Variants in CEP112 observed in about 807,000 individuals in gnomAD.
CEP112 encodes the protein centrosomal protein 112.
In CEP112, 127 loss-of-function variants were observed where a neutral mutation model predicts 153.0. The ratio of observed to expected loss-of-function variants is 0.83; its 90% CI spans 0.72 to 0.96. CEP112 has a LOEUF of 0.96. CEP112 is among the 40% of genes least tolerant of loss of function. The pLI, the probability that CEP112 is intolerant of heterozygous loss-of-function variation, is 0.00. For synonymous variants in CEP112, 358 were observed against 374.4 expected (o/e 0.96, Z 0.51); for missense variants, 1,089 against 1,101.2 (o/e 0.99, Z 0.16).
chr17:66,082,309 AG>A (rs1379547112), intron 8 of CEP112, among the ~76,000 whole-genome samples: 4 of 152,212 alleles, frequency 2.6e-5, no homozygotes, highest in Non-Finnish European at 5.9e-5. Flanking sequence ...TGGATATCAG[AG>A]AAAATGTGTT....
At chr17:65,749,870 A>AT (rs1179511319) in intron 22 of CEP112, among the ~76,000 whole-genome samples, 12 of 149,436 alleles carry the variant, frequency 8.0e-5, no homozygotes, top group Non-Finnish European at 1.5e-4. Flanking sequence ...ATATATATAT[A>AT]AAAATATGAA....
intron 8 of CEP112, among the ~76,000 whole-genome samples, chr17:66,086,949 A>G (rs1011270916): frequency 2.0e-5 from 3 of 152,336 alleles, no homozygotes; most frequent in African/African-American, 7.2e-5. Flanking sequence ...AAATCAGCAG[A>G]TACTTTTAAA....
intron 4 of CEP112, among the ~76,000 whole-genome samples, chr17:66,167,052 C>G (rs981612000): frequency 6.6e-6 from 1 of 152,132 alleles, no homozygotes; most frequent in Non-Finnish European, 1.5e-5. Context: ...TATAAAGCCT[C>G]TTTTAAAATA....
chr17:66,166,062 C>T (rs150677562), intron 4 of CEP112, among the ~76,000 whole-genome samples: 5,184 of 152,102 alleles, frequency 0.034, 132 homozygotes, highest in Middle Eastern at 0.061. Flanking sequence ...ATTTAGATGA[C>T]CCAACATGAG....
chr17:66,137,758 G>A (rs536623698), intron 4 of CEP112, among the ~76,000 whole-genome samples: 3 of 152,064 alleles, frequency 2.0e-5, no homozygotes, highest in Admixed American at 6.6e-5. Context: ...TACGGTCCCA[G>A]ATAAACAAAA....
intron 19 of CEP112, among the ~76,000 whole-genome samples, chr17:65,909,034 C>G (rs1320236572): frequency 6.6e-6 from 1 of 152,158 alleles, no homozygotes; most frequent in East Asian, 1.9e-4. Flanking sequence ...GCCTGAACCA[C>G]TTTCAATAAT....
At chr17:65,951,463 T>C (rs2144634058) in intron 18 of CEP112, among the ~76,000 whole-genome samples, 1 of 152,292 alleles carries the variant, frequency 6.6e-6, no homozygotes, top group South Asian at 2.1e-4. Context: ...TTTGTATCTC[T>C]CTAGAAATTT....
At chr17:65,878,046 G>T (rs1290494121) in intron 20 of CEP112, among the ~76,000 whole-genome samples, 1 of 152,232 alleles carries the variant, frequency 6.6e-6, no homozygotes, top group East Asian at 1.9e-4. Context: ...GGAGCATTGG[G>T]AAGTGTTGGT....
intron 6 of CEP112, among the ~76,000 whole-genome samples, chr17:66,099,835 C>G (rs1190648919): frequency 6.6e-6 from 1 of 152,130 alleles, no homozygotes; most frequent in Non-Finnish European, 1.5e-5. Context: ...ATACAGGCTT[C>G]CTTTTGATTC....
chr17:66,103,755 T>A (rs1409617646), intron 6 of CEP112, among the ~76,000 whole-genome samples: 1 of 152,200 alleles, frequency 6.6e-6, no homozygotes, highest in Non-Finnish European at 1.5e-5. Context: ...TTAAATCACC[T>A]GCATCACCCT....
At chr17:65,907,237 A>T (rs2060116990) in intron 19 of CEP112, among the ~76,000 whole-genome samples, 1 of 152,202 alleles carries the variant, frequency 6.6e-6, no homozygotes, top group African/African-American at 2.4e-5. Flanking sequence ...CTAAACAGAG[A>T]CATTTGAAGT....
chr17:66,123,698 A>C (rs2146475464), intron 6 of CEP112, among the ~76,000 whole-genome samples: 1 of 152,252 alleles, frequency 6.6e-6, no homozygotes, highest in South Asian at 2.1e-4. Flanking sequence ...TCCCAATGAA[A>C]CCTACTTGGG....
intron 6 of CEP112, among the ~76,000 whole-genome samples, chr17:66,112,020 G>C (rs1346588173): frequency 6.6e-6 from 1 of 152,144 alleles, no homozygotes; most frequent in African/African-American, 2.4e-5. Flanking sequence ...GCCGGGTGCG[G>C]TGGCTCACAC....
intron 21 of CEP112, among the ~76,000 whole-genome samples, chr17:65,809,258 G>A (rs1224843000): frequency 6.6e-6 from 1 of 152,188 alleles, no homozygotes; most frequent in Non-Finnish European, 1.5e-5. Context: ...TAACTGAGGG[G>A]GAGAGGAGTA....
At chr17:65,993,670 A>G (rs2063677539) in intron 17 of CEP112, among the ~76,000 whole-genome samples, 1 of 152,204 alleles carries the variant, frequency 6.6e-6, no homozygotes, top group South Asian at 2.1e-4. Context: ...ATGAGCATGT[A>G]AAAACTACAA....
chr17:66,015,846 A>G (rs756456564), intron 16 of CEP112, among the ~76,000 whole-genome samples: 5 of 152,250 alleles, frequency 3.3e-5, no homozygotes, highest in Middle Eastern at 3.4e-3. Flanking sequence ...TTTTATTCTG[A>G]GCCTTCCTTC....
intron 18 of CEP112, among the ~76,000 whole-genome samples, chr17:65,943,022 T>C (rs951672895): frequency 6.6e-6 from 1 of 152,212 alleles, no homozygotes; most frequent in East Asian, 1.9e-4. Flanking sequence ...GCTAGACAGA[T>C]ACATAGATAT....
At chr17:66,077,322 G>A (rs1445494884) in intron 8 of CEP112, among the ~76,000 whole-genome samples, 1 of 152,084 alleles carries the variant, frequency 6.6e-6, no homozygotes, top group Non-Finnish European at 1.5e-5. Flanking sequence ...GAAGTGAAGG[G>A]AGAAATATTT....
intron 17 of CEP112, among the ~76,000 whole-genome samples, chr17:65,963,291 A>C (rs1020577911): frequency 6.6e-6 from 1 of 152,158 alleles, no homozygotes; most frequent in Non-Finnish European, 1.5e-5. Flanking sequence ...TGGGTAATTT[A>C]ACTCACTCAA....
Sources: allele counts gnomAD v4.1 joint callset (sites outside exome capture counted in the v4.1 genomes callset), GRCh38; gene constraint gnomAD v4.1.1; transcripts MANE v1.5; gene names NCBI Gene and HGNC (gene_info 2026-07-23, HGNC 2026-07-21).